PTPRD: variants seen among roughly 807,000 people sequenced by gnomAD.
The protein encoded by PTPRD is receptor-type tyrosine-protein phosphatase delta.
In PTPRD, 34 loss-of-function variants were observed where a neutral mutation model predicts 214.5. The observed-to-expected ratio is 0.16, with a 90% CI of 0.12 to 0.21. The LOEUF is 0.21. Ranked by LOEUF, PTPRD falls within the 10% of genes least tolerant of loss-of-function variation. PTPRD has a pLI of 1.00. For missense variants in PTPRD, 2,545 were observed against 2,398.7 expected (o/e 1.06, Z -1.27); for synonymous variants, 1,128 against 845.7 (o/e 1.33, Z -5.79).
intron 10 of PTPRD, among the ~76,000 whole-genome samples, chr9:9,028,227 A>G (rs2099593622): frequency 6.6e-6 from 1 of 151,968 alleles, no homozygotes; most frequent in African/African-American, 2.4e-5. Flanking sequence ...TTCCATACTG[A>G]TAAGAAATTC....
chr9:9,912,101 T>C (rs2079366270), intron 5 of PTPRD, among the ~76,000 whole-genome samples: 1 of 152,150 alleles, frequency 6.6e-6, no homozygotes. Context: ...GGGGGAAAAA[T>C]ACTATAAAAT....
intron 8 of PTPRD, among the ~76,000 whole-genome samples, chr9:9,506,947 C>T (rs2096584546): frequency 6.6e-6 from 1 of 151,348 alleles, no homozygotes; most frequent in African/African-American, 2.4e-5. Flanking sequence ...CCCAGTAATT[C>T]TATTTCTAGA....
intron 23 of PTPRD, among the ~76,000 whole-genome samples, chr9:8,502,865 C>CAT (rs1563890699): frequency 5.5e-5 from 7 of 127,228 alleles, no homozygotes; most frequent in African/African-American, 2.0e-4. Flanking sequence ...TATATATATA[C>CAT]ACACACACAC....
chr9:8,532,694 A>T (rs2139745065), intron 14 of PTPRD, among the ~76,000 whole-genome samples: 1 of 152,180 alleles, frequency 6.6e-6, no homozygotes, highest in South Asian at 2.1e-4. Flanking sequence ...CATTTAAATC[A>T]GACTTGACCT....
At chr9:10,246,535 AC>A (rs1480037127) in intron 3 of PTPRD, among the ~76,000 whole-genome samples, 2 of 152,148 alleles carry the variant, frequency 1.3e-5, no homozygotes, top group African/African-American at 4.8e-5. Context: ...GAGCCACCGC[AC>A]CTGGCCAAGA....
chr9:8,620,464 G>T (rs2095785486), intron 14 of PTPRD, among the ~76,000 whole-genome samples: 1 of 151,978 alleles, frequency 6.6e-6, no homozygotes, highest in African/African-American at 2.4e-5. Flanking sequence ...TAAAAATTAA[G>T]AATTTATAGT....
chr9:10,147,458 G>C (rs2099031082), intron 3 of PTPRD, among the ~76,000 whole-genome samples: 2 of 152,068 alleles, frequency 1.3e-5, no homozygotes, highest in Admixed American at 1.3e-4. Context: ...AATTCTAAAA[G>C]CCTGAGTTAC....
chr9:9,396,494 T>A (rs181979687), intron 9 of PTPRD, among the ~76,000 whole-genome samples: 2 of 152,024 alleles, frequency 1.3e-5, no homozygotes, highest in East Asian at 3.9e-4. Flanking sequence ...CAACATTTGC[T>A]TTTTCTTAAG....
At chr9:10,330,518 A>C (rs1004404750) in intron 3 of PTPRD, among the ~76,000 whole-genome samples, 2 of 151,836 alleles carry the variant, frequency 1.3e-5, no homozygotes, top group Non-Finnish European at 2.9e-5. Flanking sequence ...AAAAGCTTAT[A>C]ATCAAAGGGT....
At chr9:9,334,466 C>A (rs1315470118) in intron 9 of PTPRD, among the ~76,000 whole-genome samples, 1 of 151,798 alleles carries the variant, frequency 6.6e-6, no homozygotes, top group Non-Finnish European at 1.5e-5. Flanking sequence ...AATAGTTTCC[C>A]TAACTTTTCC....
chr9:10,289,830 A>T (rs1466700402), intron 3 of PTPRD, among the ~76,000 whole-genome samples: 1 of 152,216 alleles, frequency 6.6e-6, no homozygotes, highest in Non-Finnish European at 1.5e-5. Context: ...TGTAATAAAG[A>T]ATAGAATAAA....
intron 8 of PTPRD, among the ~76,000 whole-genome samples, chr9:9,510,735 A>C (rs552967400): frequency 6.6e-6 from 1 of 151,304 alleles, no homozygotes. Context: ...TGATCTCTTC[A>C]GGCATAATCA....
At chr9:9,573,432 A>G (rs1233814113) in intron 8 of PTPRD, among the ~76,000 whole-genome samples, 3 of 151,322 alleles carry the variant, frequency 2.0e-5, no homozygotes, top group Non-Finnish European at 4.4e-5. Context: ...AAAAAAACTT[A>G]TGTCAGTATT....
At chr9:8,830,500 C>T (rs2097265602) in intron 11 of PTPRD, among the ~76,000 whole-genome samples, 1 of 152,052 alleles carries the variant, frequency 6.6e-6, no homozygotes, top group Non-Finnish European at 1.5e-5. Flanking sequence ...CTTCAGTCAT[C>T]GAATCATGGA....
At position 10,612,929 on chromosome 9, in the gene PTPRD, C is replaced by A. The variant is rs1031694856; in HGVS notation, c.-949G>T. ...GCCGCCGGCTGCGGGCGCGGCTGGG[C>A]GGGGAGCCGAGGCGGCCGCTCCCGC... On this transcript the variant is annotated 5_prime_UTR_variant, in exon 1 of 46. Coordinates refer to ENST00000381196, the MANE Select transcript of PTPRD (RefSeq NM_002839.4). Among the ~76,000 whole-genome samples the A allele has an allele frequency of 6.6e-6, 1 of 151,244 alleles. No individual in the cohort carries two copies. Among genetic ancestry groups the A allele is most frequent in the Non-Finnish European group, 1.5e-5 (1 of 67,746 alleles).
At chr9:9,166,346 T>A (rs902529295) in intron 10 of PTPRD, among the ~76,000 whole-genome samples, 1 of 152,094 alleles carries the variant, frequency 6.6e-6, no homozygotes, top group Non-Finnish European at 1.5e-5. Context: ...ATTCCTGGAA[T>A]TTTGGGAGAA....
intron 2 of PTPRD, among the ~76,000 whole-genome samples, chr9:10,386,365 C>T (rs2097914337): frequency 1.3e-5 from 2 of 151,898 alleles, no homozygotes; most frequent in South Asian, 4.1e-4. Context: ...TAACTAGTAT[C>T]CTGAAGAAAC....
At chr9:9,418,564 T>C (rs973989732) in intron 8 of PTPRD, among the ~76,000 whole-genome samples, 2 of 152,018 alleles carry the variant, frequency 1.3e-5, no homozygotes, top group Admixed American at 6.6e-5. Context: ...ATTTCGTATC[T>C]CAATTTTCTT....
chr9:8,685,047 T>C lies in PTPRD; in HGVS notation c.65-48203A>G, dbSNP rs10119928. ...TTGCATCCGGGGCTGGATGTCAAGA[T>C]GCCCTTCTGTCCTGATATTTTTCAA... On this transcript the variant is annotated intron_variant, in intron 12 of 45. Coordinates refer to ENST00000381196, the MANE Select transcript of PTPRD (RefSeq NM_002839.4). Among the ~76,000 whole-genome samples, 1,434 of 152,296 alleles carry C rather than the reference T, an allele frequency of 9.4e-3. 26 individuals carry two copies. The highest frequency in any genetic ancestry group is 0.033 in the African/African-American group (1,379 of 41,558).
Sources: allele counts gnomAD v4.1 joint callset (sites outside exome capture counted in the v4.1 genomes callset), GRCh38; gene constraint gnomAD v4.1.1; transcripts MANE v1.5; gene names NCBI Gene and HGNC (gene_info 2026-07-23, HGNC 2026-07-21).